The following EVC2 variants were observed in gnomAD, a reference collection of about 807,000 sequenced individuals.
The protein encoded by EVC2 is limbin.
A neutral mutation model predicts 149.3 loss-of-function variants in EVC2; 148 were observed. The ratio of observed to expected loss-of-function variants is 0.99; its 90% CI spans 0.87 to 1.14. EVC2 has a LOEUF of 1.14. Ranked by LOEUF, EVC2 falls within the 50% of genes most tolerant of loss-of-function variation. The pLI, the probability that EVC2 is intolerant of heterozygous loss-of-function variation, is 0.00. For missense variants in EVC2, 1,854 were observed against 1,627.3 expected, an observed-to-expected ratio of 1.14 and a Z score of -2.40; for synonymous variants, 776 against 649.9, an observed-to-expected ratio of 1.19 and a Z score of -2.95.
chr4:5,681,604 CAAG>C (rs1720350514), intron 6 of EVC2, among the ~76,000 whole-genome samples: 1 of 152,178 alleles, frequency 6.6e-6, no homozygotes, highest in South Asian at 2.1e-4. Context: ...GCACTGACTC[CAAG>C]CCTGTGACCA....
At chr4:5,579,795 C>G (rs1711599684) in intron 17 of EVC2, among the ~76,000 whole-genome samples, 1 of 152,144 alleles carries the variant, frequency 6.6e-6, no homozygotes. Flanking sequence ...CAGCTAAGAT[C>G]ACACCACTGC....
chr4:5,596,055 C>T (rs1713380784), intron 16 of EVC2, among the ~76,000 whole-genome samples: 1 of 152,114 alleles, frequency 6.6e-6, no homozygotes, highest in African/African-American at 2.4e-5. Context: ...ACTGGAGCAC[C>T]CAGATTCATA....
At chr4:5,544,706 C>G (rs1577086181) in intron 21 of EVC2, among the ~76,000 whole-genome samples, 2 of 152,282 alleles carry the variant, frequency 1.3e-5, no homozygotes, top group African/African-American at 4.8e-5. Context: ...TCACAGAGAA[C>G]TAAACAGAGA....
At chr4:5,701,802 G>A (rs1371731547) in intron 1 of EVC2, among the ~76,000 whole-genome samples, 2 of 152,130 alleles carry the variant, frequency 1.3e-5, no homozygotes, top group Non-Finnish European at 2.9e-5. Flanking sequence ...TATTGGCTCA[G>A]GCCAAAATCC....
chr4:5,699,835 A>G (rs909856637), intron 1 of EVC2, among the ~76,000 whole-genome samples: 1 of 151,924 alleles, frequency 6.6e-6, no homozygotes, highest in African/African-American at 2.4e-5. Flanking sequence ...AAAAATAAAT[A>G]ATAAATATTA....
chr4:5,652,901 A>G (rs1718247980), intron 9 of EVC2, among the ~76,000 whole-genome samples: 2 of 152,224 alleles, frequency 1.3e-5, no homozygotes, highest in Non-Finnish European at 2.9e-5. Flanking sequence ...GCCAAGTACC[A>G]TCAGCTAGAT....
Position 5,614,834 on chromosome 4 carries a change from A to ACCG in EVC2, c.2829+587_2829+588insCGG, listed in dbSNP as rs1715115944. ...GTCTACTAAAAATACAAAAATTAGC[A>ACCG]GGTGTGATGGTGGGTGCCTGTAATC... is the stretch of plus-strand genomic sequence containing the variant. On this transcript the variant is annotated intron_variant, in intron 16 of 21. Transcript: ENST00000344408. The surrounding 1 kb of genome is among the most constrained non-coding windows in gnomAD (Gnocchi z 4.7). 1.3e-5 allele frequency among the ~76,000 whole-genome samples: 2 copies of ACCG among 151,494 alleles called. No individual in the cohort carries two copies. The highest frequency in any genetic ancestry group is 4.9e-5 in the African/African-American group (2 of 41,148).
At chr4:5,626,577 A>C (rs1577176364) in intron 12 of EVC2, among the ~76,000 whole-genome samples, 1 of 151,470 alleles carries the variant, frequency 6.6e-6, no homozygotes, top group Admixed American at 6.6e-5. Flanking sequence ...CTCGTGATCC[A>C]CCCGCCTCGG....
At chr4:5,574,904 G>T in intron 18 of EVC2, 132 bp from the exon 19 acceptor site, 1 of 953,398 alleles carries the variant, frequency 1.0e-6, no homozygotes, top group Non-Finnish European at 1.6e-6. Flanking sequence ...CATAGAAAGA[G>T]ATGGCCAGAA....
chr4:5,623,820 C>A (rs1715913525), intron 13 of EVC2, among the ~76,000 whole-genome samples: 3 of 152,158 alleles, frequency 2.0e-5, no homozygotes, highest in South Asian at 4.1e-4. Context: ...GCCTCCATTT[C>A]CCTATCTGTA....
Position 5,657,756 on chromosome 4 carries a change from A to AC in EVC2, c.1145+5350_1145+5351insG, listed in dbSNP as rs368222481. ...TTAATTTGAAAAAGAAAAAAAAAAA[A>AC]GGTAGTTTCCGGCAGCCTTGAGTGT... On this transcript the variant is annotated intron_variant, in intron 9 of 21. Transcript: ENST00000344408. This position sits in a 1 kb window ranked among gnomAD's most constrained non-coding sequence, Gnocchi z 4.7. 3.3e-5 allele frequency among the ~76,000 whole-genome samples: 5 copies of AC among 151,136 alleles called. No homozygotes were observed. Among genetic ancestry groups the AC allele is most frequent in the Non-Finnish European group, 7.4e-5 (5 of 67,766 alleles).
intron 2 of EVC2, among the ~76,000 whole-genome samples, chr4:5,697,293 C>T (rs189285746): frequency 3.6e-4 from 55 of 152,318 alleles, no homozygotes; most frequent in African/African-American, 1.3e-3. Flanking sequence ...GTTAGGGAAG[C>T]CACAGGAAAC....
At chr4:5,534,818 G>GAAAAAA in the EVC2 span, among the ~76,000 whole-genome samples, 1 of 66,882 alleles carries the variant, frequency 1.5e-5, no homozygotes, top group African/African-American at 5.2e-5. Flanking sequence ...CATCTGGTAG[G>GAAAAAA]AAAAAAAAAA....
chr4:5,544,200 G>A (rs1721568771), intron 21 of EVC2, among the ~76,000 whole-genome samples: 1 of 151,822 alleles, frequency 6.6e-6, no homozygotes, highest in Admixed American at 6.6e-5. Context: ...ACAACCTAAG[G>A]CTTTTTGCAA....
chr4:5,690,153 G>A (rs1721015048), intron 4 of EVC2, among the ~76,000 whole-genome samples: 1 of 152,178 alleles, frequency 6.6e-6, no homozygotes, highest in Non-Finnish European at 1.5e-5. Flanking sequence ...ACTTATAACT[G>A]CATGCATATG....
chr4:5,667,034 G>C (rs919382428), intron 7 of EVC2, among the ~76,000 whole-genome samples: 1 of 151,992 alleles, frequency 6.6e-6, no homozygotes, highest in Non-Finnish European at 1.5e-5. Flanking sequence ...TGTTTTCTGG[G>C]TGCTTTTTAA....
intron 8 of EVC2, 102 bp from the exon 9 acceptor site, chr4:5,663,348 C>T: frequency 1.3e-6 from 2 of 1,490,978 alleles, no homozygotes; most frequent in Admixed American, 3.4e-5. Flanking sequence ...GTCTGAGCAC[C>T]CAATCAGCCC....
At position 5,655,872 on chromosome 4, in the gene EVC2, A is replaced by G. The variant is rs115196708; in HGVS notation, c.1145+7235T>C. Among the ~76,000 whole-genome samples the G allele has an allele frequency of 8.1e-3, 1,235 of 152,172 alleles. 10 individuals are homozygous for G. The highest frequency in any genetic ancestry group is 0.031 in the Middle Eastern group (9 of 294). ...GGGCATTATTTATGGGCCTCGTAAAACTGACCACCACCCCACAAGGATTTC... is the reference window on the plus strand; with the variant it reads ...GGGCATTATTTATGGGCCTCGTAAAGCTGACCACCACCCCACAAGGATTTC... On this transcript the variant is annotated intron_variant, in intron 9 of 21. Coordinates refer to ENST00000344408, the MANE Select transcript of EVC2 (RefSeq NM_147127.5).
chr4:5,663,633 G>A (rs1719052317), intron 8 of EVC2, among the ~76,000 whole-genome samples: 1 of 152,186 alleles, frequency 6.6e-6, no homozygotes, highest in African/African-American at 2.4e-5. Flanking sequence ...TCGGAATATA[G>A]GATTGAGTGG....
Sources: allele counts gnomAD v4.1 joint callset (sites outside exome capture counted in the v4.1 genomes callset), GRCh38; gene constraint gnomAD v4.1.1; non-coding constraint Gnocchi (gnomAD v3.1); transcripts MANE v1.5; gene names NCBI Gene and HGNC (gene_info 2026-07-23, HGNC 2026-07-21).